Variants in PTPRD observed in about 807,000 individuals in gnomAD.
PTPRD encodes the protein protein tyrosine phosphatase receptor type D.
PTPRD carries 34 observed loss-of-function variants against 214.5 expected under a neutral mutation model. The ratio of observed to expected loss-of-function variants is 0.16; its 90% CI spans 0.12 to 0.21. The LOEUF (loss-of-function observed/expected upper bound fraction) is 0.21, where lower values mean the gene tolerates loss of function less well. Among genes scored for constraint, PTPRD ranks in the 10% least tolerant of loss-of-function variants. The pLI is 1.00. For missense variants in PTPRD, 2,545 were observed against 2,398.7 expected (o/e 1.06, Z -1.27); for synonymous variants, 1,128 against 845.7 (o/e 1.33, Z -5.79).
chr9:9,734,819 C>T (rs1160029292), intron 6 of PTPRD, among the ~76,000 whole-genome samples: 1 of 151,718 alleles, frequency 6.6e-6, no homozygotes, highest in Non-Finnish European at 1.5e-5. Flanking sequence ...ATATTTTTTC[C>T]AATTATTTAG....
intron 7 of PTPRD, among the ~76,000 whole-genome samples, chr9:9,669,996 C>A (rs2096796222): frequency 6.6e-6 from 1 of 152,066 alleles, no homozygotes; most frequent in East Asian, 1.9e-4. Context: ...CCTTTTTTAG[C>A]ATTTTATCAG....
At chr9:9,328,355 C>A (rs2802285) in intron 9 of PTPRD, among the ~76,000 whole-genome samples, 112,376 of 151,816 alleles carry the variant, frequency 0.74, 41,866 homozygotes, top group East Asian at 0.93. Flanking sequence ...TTTTAGACAT[C>A]TTTTGTTATT....
At chr9:10,479,262 A>T (rs996175745) in intron 2 of PTPRD, among the ~76,000 whole-genome samples, 1 of 152,174 alleles carries the variant, frequency 6.6e-6, no homozygotes, top group Non-Finnish European at 1.5e-5. Context: ...TGGTACAACA[A>T]ACTAACCTTA....
At chr9:10,353,592 A>T (rs1378640569) in intron 2 of PTPRD, among the ~76,000 whole-genome samples, 1 of 151,986 alleles carries the variant, frequency 6.6e-6, no homozygotes, top group Non-Finnish European at 1.5e-5. Context: ...AAGAGTTACA[A>T]GTTTTTAATA....
chr9:9,358,772 A>G (rs1413413202), intron 9 of PTPRD, among the ~76,000 whole-genome samples: 1 of 151,304 alleles, frequency 6.6e-6, no homozygotes, highest in African/African-American at 2.4e-5. Flanking sequence ...GATTAATCCA[A>G]CACCTTTACA....
chr9:8,512,547 T>C (rs1047439034), intron 21 of PTPRD, among the ~76,000 whole-genome samples: 14 of 152,024 alleles, frequency 9.2e-5, no homozygotes, highest in African/African-American at 3.4e-4. Context: ...TAACAGACTT[T>C]GTCTCTCAAT....
At chr9:8,346,010 G>A (rs748081003) in intron 39 of PTPRD, among the ~76,000 whole-genome samples, 3 of 151,956 alleles carry the variant, frequency 2.0e-5, no homozygotes, top group Non-Finnish European at 2.9e-5. Flanking sequence ...CAGCACAAGT[G>A]GAGATCTATA....
At chr9:8,772,970 C>T (rs977390301) in intron 11 of PTPRD, among the ~76,000 whole-genome samples, 3 of 152,104 alleles carry the variant, frequency 2.0e-5, no homozygotes, top group African/African-American at 7.2e-5. Flanking sequence ...AGGGTTTAAC[C>T]TAAAGTCAAT....
intron 2 of PTPRD, among the ~76,000 whole-genome samples, chr9:10,464,111 A>T (rs373332512): frequency 2.4e-4 from 37 of 152,172 alleles, no homozygotes; most frequent in African/African-American, 8.9e-4. Flanking sequence ...AAGAAAGAAA[A>T]ATGTGGCCAT....
intron 32 of PTPRD, among the ~76,000 whole-genome samples, chr9:8,461,867 C>G (rs1414284061): frequency 6.6e-6 from 1 of 151,864 alleles, no homozygotes; most frequent in Non-Finnish European, 1.5e-5. Flanking sequence ...CCAGGCTGGT[C>G]TCGAACTCCT....
intron 10 of PTPRD, among the ~76,000 whole-genome samples, chr9:9,178,226 G>C (rs946012421): frequency 2.6e-5 from 4 of 151,910 alleles, no homozygotes; most frequent in Non-Finnish European, 4.4e-5. Context: ...CAAAGAGATT[G>C]AACTGTGACC....
chr9:10,506,672 CA>C (rs559848649), intron 2 of PTPRD, among the ~76,000 whole-genome samples: 1 of 152,058 alleles, frequency 6.6e-6, no homozygotes, highest in Non-Finnish European at 1.5e-5. Context: ...CAGACTACTA[CA>C]ATCTATTTAG....
intron 39 of PTPRD, among the ~76,000 whole-genome samples, chr9:8,363,365 G>T (rs2078984601): frequency 6.6e-6 from 1 of 152,104 alleles, no homozygotes; most frequent in South Asian, 2.1e-4. Flanking sequence ...GCAGTGAAGG[G>T]AAAAATCACA....
At chr9:9,291,960 C>T (rs1951302967) in intron 9 of PTPRD, among the ~76,000 whole-genome samples, 1 of 150,152 alleles carries the variant, frequency 6.7e-6, no homozygotes, top group African/African-American at 2.4e-5. Context: ...TTCATTTAAC[C>T]TAATTTATGC....
intron 7 of PTPRD, among the ~76,000 whole-genome samples, chr9:9,681,479 A>C (rs1217136675): frequency 6.6e-6 from 1 of 151,792 alleles, no homozygotes; most frequent in Admixed American, 6.6e-5. Flanking sequence ...CAAATGTTAT[A>C]TAAAGATATG....
chr9:8,675,405 G>A (rs1398212532), intron 12 of PTPRD, among the ~76,000 whole-genome samples: 1 of 151,550 alleles, frequency 6.6e-6, no homozygotes. Flanking sequence ...GAGCTTCAAC[G>A]TAAGTATTGT....
chr9:8,657,189 CAG>C (rs2096928281), intron 12 of PTPRD, among the ~76,000 whole-genome samples: 1 of 120,248 alleles, frequency 8.3e-6, no homozygotes, highest in Non-Finnish European at 1.7e-5. Flanking sequence ...TTTTTTGAGA[CAG>C]AGTTTCACTC....
At chr9:8,344,593 G>T (rs1262157731) in intron 39 of PTPRD, among the ~76,000 whole-genome samples, 2 of 151,958 alleles carry the variant, frequency 1.3e-5, no homozygotes, top group Admixed American at 6.6e-5. Flanking sequence ...ATTGTTAACT[G>T]CCCAATCCTG....
chr9:9,191,227 G>C (rs967684646), intron 9 of PTPRD, among the ~76,000 whole-genome samples: 3 of 152,220 alleles, frequency 2.0e-5, no homozygotes, highest in African/African-American at 7.2e-5. Context: ...GGCCCATGTG[G>C]CAAAAGGTTA....
Sources: allele counts gnomAD v4.1 joint callset (sites outside exome capture counted in the v4.1 genomes callset), GRCh38; gene constraint gnomAD v4.1.1; transcripts MANE v1.5; gene names NCBI Gene and HGNC (gene_info 2026-07-23, HGNC 2026-07-21).